SASH1: variants seen among roughly 807,000 people sequenced by gnomAD.
The protein encoded by SASH1 is SAM and SH3 domain containing 1, also known as SAM and SH3 domain-containing protein 1.
In SASH1, 44 loss-of-function variants were observed where a neutral mutation model predicts 125.2. The ratio of observed to expected loss-of-function variants is 0.35; its 90% CI spans 0.28 to 0.45. The LOEUF is 0.45. Ranked by LOEUF, SASH1 falls within the 20% of genes least tolerant of loss-of-function variation. The pLI is 1.00. For synonymous variants in SASH1, 639 were observed against 649.1 expected, an observed-to-expected ratio of 0.98 and a Z score of 0.24; for missense variants, 1,426 against 1,614.5, an observed-to-expected ratio of 0.88 and a Z score of 2.00.
intron 1 of SASH1, among the ~76,000 whole-genome samples, chr6:148,301,310 G>C (rs1779936758): frequency 8.6e-6 from 1 of 116,296 alleles, no homozygotes; most frequent in Admixed American, 1.1e-4. Context: ...TGGGCAACAA[G>C]AGCAAAACTC....
the SASH1 span, among the ~76,000 whole-genome samples, chr6:148,261,778 C>T: frequency 6.6e-6 from 1 of 152,122 alleles, no homozygotes; most frequent in African/African-American, 2.4e-5. Context: ...CCCCTTCATG[C>T]TGCCCCTGCC....
chr6:148,360,638 C>G (rs1782157896), intron 1 of SASH1, among the ~76,000 whole-genome samples: 1 of 67,968 alleles, frequency 1.5e-5, no homozygotes, highest in African/African-American at 7.6e-5. Context: ...CGTGAGCCAC[C>G]CCCCCGCCAG....
At chr6:148,328,785 C>CATT (rs1780910774) in intron 1 of SASH1, among the ~76,000 whole-genome samples, 1 of 152,128 alleles carries the variant, frequency 6.6e-6, no homozygotes, top group Admixed American at 6.5e-5. Context: ...TGTCCCCTTG[C>CATT]TGTCATTTAT....
At chr6:148,383,045 C>G (rs974133410) in intron 1 of SASH1, among the ~76,000 whole-genome samples, 1 of 152,184 alleles carries the variant, frequency 6.6e-6, no homozygotes, top group Non-Finnish European at 1.5e-5. Context: ...TTAGTTATTA[C>G]AGTCAGTGAA....
At chr6:148,451,465 A>C (rs1464849068) in intron 4 of SASH1, among the ~76,000 whole-genome samples, 1 of 152,160 alleles carries the variant, frequency 6.6e-6, no homozygotes, top group African/African-American at 2.4e-5. Flanking sequence ...ATTCTATTTC[A>C]TAGTCTGGTT....
intron 1 of SASH1, among the ~76,000 whole-genome samples, chr6:148,363,403 A>G (rs1333827202): frequency 6.6e-6 from 1 of 151,372 alleles, no homozygotes; most frequent in African/African-American, 2.4e-5. Flanking sequence ...GGGCCTCCCA[A>G]CACTTCTTTT....
intron 1 of SASH1, among the ~76,000 whole-genome samples, chr6:148,322,242 T>A (rs1025248708): frequency 2.0e-5 from 3 of 152,030 alleles, no homozygotes; most frequent in African/African-American, 7.2e-5. Flanking sequence ...TCCCAGCTAC[T>A]TGGGAGGCTG....
In SASH1 at chr6:148,548,613, A is replaced by C; in HGVS notation, c.*55A>C. On this transcript the variant is annotated 3_prime_UTR_variant, in exon 20 of 20. Coordinates refer to ENST00000367467, the MANE Select transcript of SASH1 (RefSeq NM_015278.5). ...GAGCCACCCTTTCACTGTGCATATG[A>C]TGCTGATGCAATTCCTCCATCATCT... 6.6e-7 allele frequency: 1 copy of C among 1,510,208 alleles called. No individual in the cohort carries two copies. 93.6% of individuals were successfully genotyped at this position (1,510,208 alleles called of 1,614,324 possible). A position where few individuals can be genotyped will look rare whatever the true frequency, so the allele number is the denominator to read the frequency against.
At chr6:148,523,456 T>C (rs1780933178) in intron 10 of SASH1, among the ~76,000 whole-genome samples, 1 of 152,350 alleles carries the variant, frequency 6.6e-6, no homozygotes. Flanking sequence ...TTCTATAGAA[T>C]AGATATAGGT....
At chr6:148,202,843 A>G in the SASH1 span, among the ~76,000 whole-genome samples, 16 of 152,180 alleles carry the variant, frequency 1.1e-4, no homozygotes, top group South Asian at 2.9e-3. Context: ...AATCTCAGCT[A>G]CTCAGGAGGC....
intron 2 of SASH1, among the ~76,000 whole-genome samples, chr6:148,417,581 C>CAAAAAAAAAAAATAAT (rs1356946579): frequency 1.5e-5 from 1 of 68,606 alleles, no homozygotes; most frequent in African/African-American, 5.0e-5. Flanking sequence ...GGGACTCTGT[C>CAAAAAAAAAAAATAAT]AAAATAAATA....
At chr6:148,397,674 G>T (rs9498036) in intron 2 of SASH1, among the ~76,000 whole-genome samples, 23,694 of 152,130 alleles carry the variant, frequency 0.16, 2,096 homozygotes, top group South Asian at 0.27. Context: ...AGGGATTTTT[G>T]TTGGTCTGTT....
intron 6 of SASH1, 57 bp downstream of exon 6, chr6:148,471,560 C>A: frequency 9.7e-7 from 1 of 1,030,904 alleles, no homozygotes; most frequent in Non-Finnish European, 1.5e-6. Flanking sequence ...TGGGAAGAAT[C>A]CTATGCGGCT....
intron 11 of SASH1, 93 bp from the exon 12 acceptor site, chr6:148,527,358 AAT>A: frequency 9.0e-7 from 1 of 1,105,078 alleles, no homozygotes; most frequent in Non-Finnish European, 1.3e-6. Flanking sequence ...GAGGAATGTC[AAT>A]ATTTCTGAGA....
chr6:148,355,160 A>G (rs971037194), intron 1 of SASH1, among the ~76,000 whole-genome samples: 1 of 152,258 alleles, frequency 6.6e-6, no homozygotes, highest in Non-Finnish European at 1.5e-5. Context: ...TGTAAAGACC[A>G]TAAACATTTA....
chr6:148,220,119 T>C, the SASH1 span, among the ~76,000 whole-genome samples: 1 of 152,168 alleles, frequency 6.6e-6, no homozygotes, highest in Admixed American at 6.5e-5. Flanking sequence ...TGTAACAAAA[T>C]ACCACAGACT....
intron 1 of SASH1, among the ~76,000 whole-genome samples, chr6:148,385,635 G>T (rs989901393): frequency 6.6e-6 from 1 of 152,188 alleles, no homozygotes; most frequent in Non-Finnish European, 1.5e-5. Flanking sequence ...GAGAGGGGCT[G>T]AAGGTTGAGC....
chr6:148,473,550 G>C (rs938710837), intron 6 of SASH1, among the ~76,000 whole-genome samples: 1 of 152,170 alleles, frequency 6.6e-6, no homozygotes, highest in Non-Finnish European at 1.5e-5. Context: ...CACTGTGCCC[G>C]GTGCACTTAG....
rs1443496201 is a variant in SASH1, at chr6:148,551,739, C to T, written c.*3181C>T. 1.3e-5 allele frequency: 2 copies of T among 152,588 alleles called. No homozygotes were observed. The highest frequency in any genetic ancestry group is 2.9e-5 in the Non-Finnish European group (2 of 68,028). The allele number at this position is 152,588 out of a possible 1,614,324, so 9.5% of individuals were successfully genotyped here. Reference sequence around the variant, plus strand: ...TTGATAGAGAAAAGAAACTGTCGAGCAAGTTATATAACAACTAACAACATT... The same window carrying T: ...TTGATAGAGAAAAGAAACTGTCGAGTAAGTTATATAACAACTAACAACATT... On this transcript the variant is annotated 3_prime_UTR_variant, in exon 20 of 20. Coordinates refer to ENST00000367467, the MANE Select transcript of SASH1 (RefSeq NM_015278.5).
Sources: gnomAD v4.1 joint callset for allele counts (sites outside exome capture counted in the v4.1 genomes callset) on GRCh38, gnomAD v4.1.1 for gene constraint, MANE v1.5 for transcripts, NCBI Gene and HGNC (gene_info 2026-07-23, HGNC 2026-07-21) for gene names.